Variants in ANK1 observed in about 807,000 individuals in gnomAD.
ANK1 encodes ankyrin 1, also known as ankyrin-1.
Under a neutral mutation model 210.4 loss-of-function variants are expected in ANK1, and 51 were observed. That is an observed-to-expected ratio of 0.24 (90% confidence interval 0.19 to 0.31). The LOEUF (loss-of-function observed/expected upper bound fraction) is 0.31. Among genes scored for constraint, ANK1 ranks in the 10% least tolerant of loss-of-function variants. The pLI, the probability that ANK1 is intolerant of heterozygous loss-of-function variation, is 1.00. For missense variants in ANK1, 2,051 were observed against 2,504.4 expected (o/e 0.82, Z 3.86); for synonymous variants, 967 against 1,025.9 (o/e 0.94, Z 1.10).
chr8:41,717,159 A>G, intron 12 of ANK1, 108 bp from the exon 13 acceptor site: 1 of 1,199,388 alleles, frequency 8.3e-7, no homozygotes, highest in Non-Finnish European at 1.2e-6. Flanking sequence ...TTTTTGTCCA[A>G]GAGGTGGAGT....
chr8:41,777,705 C>T (rs1268248464), intron 1 of ANK1, among the ~76,000 whole-genome samples: 2 of 152,224 alleles, frequency 1.3e-5, no homozygotes, highest in Admixed American at 1.3e-4. Flanking sequence ...GTGAAGACCT[C>T]ATTTCTACTC....
In ANK1 at chr8:41,718,108, C is replaced by T. The variant is rs1350849760; in HGVS notation, c.1204G>A (p.Glu402Lys). ...KTGASIDAVT[E>K]SGLTPLHVAS... ...GGCTCCTCTGCAGTCTCTCCTACCT[C>T]GGTGACCGCGTCGATCGAGGCTCCC... is the stretch of plus-strand genomic sequence containing the variant. The change falls in exon 11 of 43, where the codon GAG (glutamate) becomes AAG (lysine). Residue 402 changes from glutamate (E) to lysine (K), a missense_variant and splice_region_variant. Around this residue, in one of 6 missense-constraint regions of ANK1, gnomAD observed 1,413 missense variants for 1,707.4 expected, o/e 0.83. Coordinates refer to ENST00000289734, the MANE Select transcript of ANK1 (RefSeq NM_000037.4). 10 of 1,613,750 alleles carry T rather than the reference C, an allele frequency of 6.2e-6. No individual in the cohort carries two copies. The highest frequency in any genetic ancestry group is 2.2e-5 in the East Asian group (1 of 44,872).
At chr8:41,870,362 C>G (rs1434106213) in intron 1 of ANK1, among the ~76,000 whole-genome samples, 1 of 152,216 alleles carries the variant, frequency 6.6e-6, no homozygotes, top group Non-Finnish European at 1.5e-5. Context: ...GTCACCTTCT[C>G]CATCATTCAC....
intron 1 of ANK1, among the ~76,000 whole-genome samples, chr8:41,758,856 C>T (rs1258719590): frequency 6.6e-6 from 1 of 152,116 alleles, no homozygotes; most frequent in Non-Finnish European, 1.5e-5. Flanking sequence ...AGGAACCAAG[C>T]GTGGGCTCTT....
chr8:41,718,112 G>T lies in ANK1; in HGVS notation c.1200C>A (p.Val400=). 1 of 1,613,812 alleles carries T rather than the reference G, an allele frequency of 6.2e-7. No individual in the cohort carries two copies. The highest frequency in any genetic ancestry group is 1.1e-5 in the South Asian group (1 of 91,048). The change falls in exon 11 of 43, where the codon GTC becomes GTA. Residue 400 remains valine (V), a synonymous_variant. Transcript: ENST00000289734. ...LLKTGASIDA[V]TESGLTPLHV... ...CCTCTGCAGTCTCTCCTACCTCGGTGACCGCGTCGATCGAGGCTCCCGTCT... is the reference window on the plus strand; with the variant it reads ...CCTCTGCAGTCTCTCCTACCTCGGTTACCGCGTCGATCGAGGCTCCCGTCT...
Position 41,725,759 on chromosome 8 carries a change from A to C in ANK1, c.612+2T>G. 1 of 1,609,314 alleles carries C rather than the reference A, an allele frequency of 6.2e-7. No homozygotes were observed. Among genetic ancestry groups the C allele is most frequent in the Non-Finnish European group, 8.5e-7 (1 of 1,179,356 alleles). Reference sequence around the variant, plus strand: ...AGGCTCCTCCCTCCTCCTCGCCCTCACCTTGGAAAGCACGTCCGGGTTGGG... The same window carrying C: ...AGGCTCCTCCCTCCTCCTCGCCCTCCCCTTGGAAAGCACGTCCGGGTTGGG... On this transcript the variant is annotated splice_donor_variant, in intron 6 of 42. Transcript: ENST00000289734. LOFTEE classifies it high-confidence loss of function.
In ANK1 at chr8:41,696,506, C is replaced by T. The variant is rs751319722; in HGVS notation, c.2817G>A (p.Pro939=). Residue 939 remains proline, a synonymous_variant, in exon 26 of 43, where the codon CCG becomes CCA. Coordinates refer to ENST00000289734, the MANE Select transcript of ANK1 (RefSeq NM_000037.4). Reference sequence around the variant, plus strand: ...GGGTGGGCGCTGCGCACGTCCGTGGCGGGATCACCACTCGCAGGCCGTTGT... The same window carrying T: ...GGGTGGGCGCTGCGCACGTCCGTGGTGGGATCACCACTCGCAGGCCGTTGT... ...SRHNGLRVVI[P]PRTCAAPTRI... is the part of the protein sequence containing the mutation. 34 of 1,613,426 alleles carry T rather than the reference C, an allele frequency of 2.1e-5. No individual in the cohort carries two copies. The South Asian group carries it at 2.2e-4, about 10-fold the overall frequency.
chr8:41,731,116 C>T (rs1832075482), intron 3 of ANK1, among the ~76,000 whole-genome samples: 1 of 152,174 alleles, frequency 6.6e-6, no homozygotes, highest in African/African-American at 2.4e-5. Context: ...GACCTCCTTT[C>T]CCCTATCTAC....
intron 17 of ANK1, 46 bp from the exon 18 acceptor site, chr8:41,706,287 C>T (rs1376627390): frequency 2.6e-6 from 4 of 1,557,748 alleles, no homozygotes; most frequent in Non-Finnish European, 3.5e-6. Context: ...GTAAAGAATT[C>T]CAGGCCACAA....
At chr8:41,726,650 G>T (rs1830770302) in intron 5 of ANK1, among the ~76,000 whole-genome samples, 1 of 152,182 alleles carries the variant, frequency 6.6e-6, no homozygotes, top group Admixed American at 6.5e-5. Context: ...GCCTCCCAAA[G>T]CGGTTGGATT....
rs535582820 is a variant in ANK1, at chr8:41,849,384, C to T, written c.126+46971G>A. Among the ~76,000 whole-genome samples the T allele has an allele frequency of 4.6e-5, 7 of 152,320 alleles. No individual in the cohort carries two copies. In the South Asian group the frequency reaches 1.5e-3, roughly 32 times the overall value. Reference sequence around the variant, plus strand: ...ACTAAAAATACAAAAATTAGCCGGGCATGGTGGCAAGTGCCTATAATCCCA... The same window carrying T: ...ACTAAAAATACAAAAATTAGCCGGGTATGGTGGCAAGTGCCTATAATCCCA... On this transcript the variant is annotated intron_variant, in intron 1 of 42. Coordinates refer to the ANK1 transcript ENST00000265709.
At chr8:41,715,161 C>T (rs984880784) in intron 14 of ANK1, 87 bp from the exon 15 acceptor site, 11 of 1,265,648 alleles carry the variant, frequency 8.7e-6, no homozygotes, top group African/African-American at 1.5e-5. Context: ...GCTGCACCTC[C>T]GCTGGCATGG....
upstream of ANK1, among the ~76,000 whole-genome samples, chr8:41,799,162 TTTG>T (rs534992721): frequency 1.1e-4 from 16 of 152,050 alleles, no homozygotes; most frequent in East Asian, 3.9e-4. Context: ...ACAATGGCTG[TTTG>T]TTGTTGTTGT....
At chr8:41,706,091 G>T in intron 18 of ANK1, 52 bp downstream of exon 18, 1 of 1,524,786 alleles carries the variant, frequency 6.6e-7, no homozygotes, top group South Asian at 1.1e-5. Context: ...ATTCAATTCT[G>T]AAGTGTGAGC....
intron 1 of ANK1, among the ~76,000 whole-genome samples, chr8:41,840,858 C>G (rs1170114996): frequency 6.6e-6 from 1 of 152,206 alleles, no homozygotes; most frequent in East Asian, 1.9e-4. Flanking sequence ...GTAATCCTTC[C>G]TTTCACCTCA....
chr8:41,666,158 G>C (rs1810491954), intron 39 of ANK1, among the ~76,000 whole-genome samples: 1 of 152,198 alleles, frequency 6.6e-6, no homozygotes, highest in Non-Finnish European at 1.5e-5. Flanking sequence ...ACGGATTAAA[G>C]TGCTCTCCCC....
At chr8:41,864,413 A>G (rs922783317) in intron 1 of ANK1, among the ~76,000 whole-genome samples, 4 of 152,108 alleles carry the variant, frequency 2.6e-5, no homozygotes, top group African/African-American at 9.7e-5. Flanking sequence ...CAATCCCCTG[A>G]GCAGAGGCGA....
intron 31 of ANK1, among the ~76,000 whole-genome samples, chr8:41,691,547 C>T (rs1447463619): frequency 1.3e-5 from 2 of 152,170 alleles, no homozygotes; most frequent in Admixed American, 1.3e-4. Context: ...ACATCTTAAC[C>T]CAAGTGGGTC....
chr8:41,703,445 TA>T (rs1396919122), intron 20 of ANK1, among the ~76,000 whole-genome samples: 20 of 69,808 alleles, frequency 2.9e-4, no homozygotes, highest in East Asian at 9.0e-4. Flanking sequence ...TATATATATA[TA>T]TATATTTTTT....
Sources: gnomAD v4.1 joint callset for allele counts (sites outside exome capture counted in the v4.1 genomes callset) on GRCh38, gnomAD v4.1.1 for gene constraint, gnomAD v4.1.1 regional missense constraint, MANE v1.5 for transcripts, NCBI Gene and HGNC (gene_info 2026-07-23, HGNC 2026-07-21) for gene names.